The following RAPH1 variants were observed in gnomAD, a reference collection of about 807,000 sequenced individuals.
RAPH1 encodes ras-associated and pleckstrin homology domains-containing protein 1.
In RAPH1, 18 loss-of-function variants were observed where a neutral mutation model predicts 88.1. That is an observed-to-expected ratio of 0.20 (90% confidence interval 0.14 to 0.30). The LOEUF (loss-of-function observed/expected upper bound fraction) is 0.30, where lower values mean the gene tolerates loss of function less well. Among genes scored for constraint, RAPH1 ranks in the 10% least tolerant of loss-of-function variants. The pLI, the probability that RAPH1 is intolerant of heterozygous loss-of-function variation, is 1.00. For synonymous variants in RAPH1, 587 were observed against 559.0 expected (o/e 1.05, Z -0.71); for missense variants, 1,448 against 1,543.2 (o/e 0.94, Z 1.03).
At chr2:203,520,503 T>A (rs1357414425) in intron 1 of RAPH1, among the ~76,000 whole-genome samples, 1 of 151,986 alleles carries the variant, frequency 6.6e-6, no homozygotes, top group Non-Finnish European at 1.5e-5. Context: ...GGTACTTGCC[T>A]GTAGTTCGAG....
chr2:203,506,759 T>C (rs1197163018), intron 1 of RAPH1, among the ~76,000 whole-genome samples: 2 of 124,590 alleles, frequency 1.6e-5, no homozygotes, highest in Non-Finnish European at 3.2e-5. Flanking sequence ...TATATATATC[T>C]ATATATATAT....
intron 4 of RAPH1, among the ~76,000 whole-genome samples, chr2:203,481,423 G>C (rs570290084): frequency 2.0e-5 from 3 of 152,100 alleles, no homozygotes; most frequent in Admixed American, 6.5e-5. Flanking sequence ...ATGGCTAACA[G>C]AACAAGCACT....
chr2:203,511,940 T>G (rs1027018259), intron 1 of RAPH1, among the ~76,000 whole-genome samples: 1 of 151,912 alleles, frequency 6.6e-6, no homozygotes, highest in Non-Finnish European at 1.5e-5. Flanking sequence ...TAAAACCCTG[T>G]CTCTACTGAA....
chr2:203,515,441 G>A (rs1429334865), intron 1 of RAPH1, among the ~76,000 whole-genome samples: 1 of 152,168 alleles, frequency 6.6e-6, no homozygotes, highest in Non-Finnish European at 1.5e-5. Flanking sequence ...TAGCTAAAAG[G>A]TTCACATGAA....
chr2:203,444,109 A>C (rs1191384171), intron 13 of RAPH1: 1 of 149,302 alleles, frequency 6.7e-6, no homozygotes, highest in African/African-American at 2.5e-5. Flanking sequence ...GAGGGAAGGA[A>C]GGAAGAAAAG....
Position 203,440,777 on chromosome 2 carries a change from T to G in RAPH1, c.2413A>C (p.Thr805Pro). 1 of 1,588,884 alleles carries G rather than the reference T, an allele frequency of 6.3e-7. No homozygotes were observed. Among genetic ancestry groups the G allele is most frequent in the Non-Finnish European group, 8.5e-7 (1 of 1,170,702 alleles). Reference sequence around the variant, plus strand: ...GCTGGGGGCACTGGAGGAGTAGGTGTGGGTGGTGCAGCTTGAGTCACAACA... The same window carrying G: ...GCTGGGGGCACTGGAGGAGTAGGTGGGGGTGGTGCAGCTTGAGTCACAACA... ...APVVTQAAPPTPTPPVPPAKK... is the reference protein window; with the variant it reads ...APVVTQAAPPPPTPPVPPAKK... The change falls in exon 14 of 14, where the codon ACA becomes CCA. Residue 805 changes from threonine (T) to proline (P), a missense_variant. This residue lies in a region of RAPH1 where 935 missense variants were observed against 890.1 expected (regional missense o/e 1.05). Coordinates refer to ENST00000319170, the MANE Select transcript of RAPH1 (RefSeq NM_213589.3).
At chr2:203,513,258 C>T (rs1689437316) in intron 1 of RAPH1, among the ~76,000 whole-genome samples, 1 of 151,772 alleles carries the variant, frequency 6.6e-6, no homozygotes, top group Non-Finnish European at 1.5e-5. Flanking sequence ...TCCTCCACTC[C>T]TCCAACCCCA....
intron 1 of RAPH1, among the ~76,000 whole-genome samples, chr2:203,523,053 A>C (rs1422908017): frequency 6.6e-6 from 1 of 152,166 alleles, no homozygotes; most frequent in East Asian, 1.9e-4. Flanking sequence ...AACAGAATGG[A>C]AAGTCCAGGA....
chr2:203,445,100 G>A, intron 12 of RAPH1, 90 bp from the exon 13 acceptor site: 1 of 1,180,792 alleles, frequency 8.5e-7, no homozygotes, highest in Non-Finnish European at 1.2e-6. Context: ...TTTTACACAA[G>A]GTCAAGTGCT....
At chr2:203,506,057 A>C (rs1688978846) in intron 1 of RAPH1, among the ~76,000 whole-genome samples, 1 of 152,066 alleles carries the variant, frequency 6.6e-6, no homozygotes, top group Non-Finnish European at 1.5e-5. Context: ...ATTTTTCTTC[A>C]CTTTTGTCCT....
intron 4 of RAPH1, among the ~76,000 whole-genome samples, chr2:203,477,809 G>C (rs976390171): frequency 2.6e-5 from 4 of 151,982 alleles, no homozygotes; most frequent in African/African-American, 4.8e-5. Context: ...CAGTACATTG[G>C]GGGTGAGGAG....
At position 203,439,076 on chromosome 2, in the gene RAPH1, TAGA is replaced by T. The variant is rs1437945244; in HGVS notation, c.*358_*360del. 1 of 198,590 alleles carries T rather than the reference TAGA, an allele frequency of 5.0e-6. No individual in the cohort carries two copies. Among genetic ancestry groups the T allele is most frequent in the Non-Finnish European group, 1.1e-5 (1 of 95,226 alleles). The allele number at this position is 198,590 out of a possible 1,614,324, so 12.3% of individuals were successfully genotyped here. ...TATAAATACCTTCTAAATAAGTGAT[TAGA>T]AGTTTTTGGTCCAATCCACATGATA... On this transcript the variant is annotated 3_prime_UTR_variant, in exon 14 of 14. Coordinates refer to ENST00000319170, the MANE Select transcript of RAPH1 (RefSeq NM_213589.3).
chr2:203,514,033 G>A (rs952942794), intron 1 of RAPH1, among the ~76,000 whole-genome samples: 3 of 151,946 alleles, frequency 2.0e-5, no homozygotes, highest in African/African-American at 7.3e-5. Context: ...AATAGAGACA[G>A]GGTTTCATCA....
intron 2 of RAPH1, among the ~76,000 whole-genome samples, chr2:203,491,642 G>A (rs759358491): frequency 4.6e-5 from 7 of 152,018 alleles, no homozygotes; most frequent in Non-Finnish European, 1.0e-4. Flanking sequence ...CGAGTAGTTG[G>A]GACCATAGGC....
chr2:203,523,083 G>T (rs770906632), intron 1 of RAPH1, among the ~76,000 whole-genome samples: 1 of 151,900 alleles, frequency 6.6e-6, no homozygotes, highest in African/African-American at 2.4e-5. Flanking sequence ...CACATAAAAT[G>T]TCAAACAATT....
intron 4 of RAPH1, chr2:203,470,327 G>A: frequency 6.3e-7 from 1 of 1,586,302 alleles, no homozygotes; most frequent in Non-Finnish European, 8.6e-7. Flanking sequence ...GTTCAGAAAA[G>A]AGAAAAACAA....
At chr2:203,463,960 G>A (rs2098526352) in intron 4 of RAPH1, among the ~76,000 whole-genome samples, 1 of 152,120 alleles carries the variant, frequency 6.6e-6, no homozygotes, top group African/African-American at 2.4e-5. Context: ...GATGAACAGA[G>A]CACTACTTTA....
chr2:203,454,450 C>A lies in RAPH1; in HGVS notation c.1393G>T (p.Asp465Tyr). The A allele has an allele frequency of 6.2e-7, 1 of 1,611,844 alleles. No homozygotes were observed. The highest frequency in any genetic ancestry group is 2.2e-5 in the East Asian group (1 of 44,822). Residue 465 changes from aspartate to tyrosine, a missense_variant, in exon 10 of 14, where the codon GAC becomes TAC. Asp to Tyr is a radical substitution (Grantham distance 160). Around this residue, in one of 2 missense-constraint regions of RAPH1, gnomAD observed 513 missense variants for 653.1 expected, o/e 0.79. Coordinates refer to ENST00000319170, the MANE Select transcript of RAPH1 (RefSeq NM_213589.3). ...DYRNKYKAPTDYCLVLKHPQI... is the reference protein window; with the variant it reads ...DYRNKYKAPTYYCLVLKHPQI... ...TTTACCTTCAGCACCAGACAATAGT[C>A]TGTAGGTGCTTTGTATTTGTTCCGA...
chr2:203,472,140 T>TA lies in RAPH1; in HGVS notation c.733-10216_733-10215insT, dbSNP rs202238770. ...GTTTCTTTAGTTCTTTTTTTTTTTT[T>TA]TTATTTTTTTGAGACAGAGTCTCCC... On this transcript the variant is annotated intron_variant, in intron 4 of 13. Transcript: ENST00000319170. Among the ~76,000 whole-genome samples the TA allele has an allele frequency of 3.1e-3, 476 of 151,200 alleles. 3 individuals are homozygous for TA. The highest frequency in any genetic ancestry group is 0.011 in the African/African-American group (447 of 40,846).
Sources: allele counts gnomAD v4.1 joint callset (sites outside exome capture counted in the v4.1 genomes callset), GRCh38; gene constraint gnomAD v4.1.1; regional missense constraint gnomAD v4.1.1; transcripts MANE v1.5; gene names NCBI Gene and HGNC (gene_info 2026-07-23, HGNC 2026-07-21).